The following THADA variants were observed in gnomAD, a reference collection of about 807,000 sequenced individuals.
The protein encoded by THADA is THADA armadillo repeat containing.
THADA carries 213 observed loss-of-function variants against 219.8 expected under a neutral mutation model. The observed-to-expected ratio is 0.97, with a 90% CI of 0.87 to 1.09. The LOEUF (loss-of-function observed/expected upper bound fraction) is 1.09. Among genes scored for constraint, THADA ranks in the 50% least tolerant of loss-of-function variants. THADA has a pLI of 0.00. For missense variants in THADA, 2,956 were observed against 2,311.3 expected (o/e 1.28, Z -5.72); for synonymous variants, 1,018 against 828.9 (o/e 1.23, Z -3.92).
At chr2:43,315,764 G>T (rs1678007496) in intron 31 of THADA, among the ~76,000 whole-genome samples, 1 of 152,222 alleles carries the variant, frequency 6.6e-6, no homozygotes, top group Non-Finnish European at 1.5e-5. Flanking sequence ...ACTGCATCCA[G>T]CCAGTTACAT....
intron 28 of THADA, among the ~76,000 whole-genome samples, chr2:43,409,384 A>T (rs1460524628): frequency 6.6e-6 from 1 of 152,180 alleles, no homozygotes; most frequent in East Asian, 1.9e-4. Context: ...AAAATGACAC[A>T]AAAGAGCAAC....
At chr2:43,295,479 C>T (rs980218476) in intron 31 of THADA, among the ~76,000 whole-genome samples, 5 of 152,348 alleles carry the variant, frequency 3.3e-5, no homozygotes, top group South Asian at 2.1e-4. Context: ...TTATGACAGA[C>T]TTCACCAAAT....
At chr2:43,297,388 A>C (rs1275969755) in intron 31 of THADA, among the ~76,000 whole-genome samples, 1 of 89,990 alleles carries the variant, frequency 1.1e-5, no homozygotes. Context: ...CCCGGCAGCC[A>C]CCCCATCTGG....
chr2:43,421,680 A>C (rs190033986), intron 28 of THADA, among the ~76,000 whole-genome samples: 1 of 152,382 alleles, frequency 6.6e-6, no homozygotes, highest in Admixed American at 6.5e-5. Context: ...ATGGAGAAAA[A>C]TACAGGAACC....
intron 28 of THADA, among the ~76,000 whole-genome samples, chr2:43,427,537 A>G (rs867101507): frequency 1.9e-4 from 12 of 63,878 alleles, no homozygotes; most frequent in Admixed American, 7.2e-4. Flanking sequence ...GTGTGTGTGT[A>G]TACAAGTTAT....
At chr2:43,316,651 G>C (rs1183923076) in intron 31 of THADA, among the ~76,000 whole-genome samples, 3 of 152,200 alleles carry the variant, frequency 2.0e-5, no homozygotes, top group African/African-American at 7.2e-5. Flanking sequence ...TAATAGGCTG[G>C]GCACGGTGGC....
chr2:43,438,236 A>G (rs1474002681), intron 26 of THADA, among the ~76,000 whole-genome samples: 1 of 140,256 alleles, frequency 7.1e-6, no homozygotes, highest in Non-Finnish European at 1.5e-5. Flanking sequence ...CAGGAGGCGG[A>G]GCTTGCAGTG....
intron 22 of THADA, among the ~76,000 whole-genome samples, chr2:43,510,890 G>C (rs1440648294): frequency 2.0e-5 from 3 of 151,426 alleles, no homozygotes; most frequent in Non-Finnish European, 4.4e-5. Context: ...AGAATCGCTT[G>C]AACTCAGGAA....
chr2:43,298,655 C>G (rs1675882101), intron 31 of THADA, among the ~76,000 whole-genome samples: 1 of 151,880 alleles, frequency 6.6e-6, no homozygotes, highest in East Asian at 1.9e-4. Context: ...CTGGGCTGTT[C>G]TGGATATAGT....
At chr2:43,557,334 A>T (rs1697495227) in intron 16 of THADA, among the ~76,000 whole-genome samples, 1 of 152,216 alleles carries the variant, frequency 6.6e-6, no homozygotes, top group South Asian at 2.1e-4. Flanking sequence ...CTACAGCCAG[A>T]CTATCTTTAC....
intron 36 of THADA, chr2:43,233,123 G>A: frequency 2.0e-6 from 1 of 496,800 alleles, no homozygotes; most frequent in Non-Finnish European, 3.7e-6. Flanking sequence ...ACTCAGTGTG[G>A]ACAGAAGCAG....
chr2:43,485,352 G>T lies in THADA; in HGVS notation c.3745-27C>A, dbSNP rs369420331. On this transcript the variant is annotated intron_variant, in intron 25 of 37. Transcript: ENST00000405975. ...TAATGTACAAACGAAAACACAATAA[G>T]GCTTAAATATTCTTGGCATGAAACC... The T allele has an allele frequency of 8.8e-4, 1,337 of 1,527,538 alleles. 26 individuals carry two copies. In the South Asian group the frequency reaches 0.013, roughly 15 times the overall value. The allele number at this position is 1,527,538 out of a possible 1,614,324, so 94.6% of individuals were successfully genotyped here. A position where few individuals can be genotyped will look rare whatever the true frequency, so the allele number is the denominator to read the frequency against.
Position 43,571,848 on chromosome 2 carries a change from T to C in THADA, c.1923A>G (p.Thr641=). ...GATTACTTTCACAAAGCAAGCCTAA[T>C]GTATCTATCCTTACCTAAAAAACAT... ...IHQHCQVRID[T]LGLLCESNRS... Residue 641 remains threonine, a synonymous_variant, in exon 13 of 38, where the codon ACA becomes ACG. Coordinates refer to ENST00000405975, the MANE Select transcript of THADA (RefSeq NM_022065.5). The C allele has an allele frequency of 1.2e-6, 2 of 1,613,846 alleles. No individual in the cohort carries two copies. Among genetic ancestry groups the C allele is most frequent in the Non-Finnish European group, 8.5e-7 (1 of 1,179,840 alleles).
At chr2:43,553,589 A>G (rs984450719) in intron 17 of THADA, among the ~76,000 whole-genome samples, 6 of 152,248 alleles carry the variant, frequency 3.9e-5, no homozygotes, top group African/African-American at 1.4e-4. Context: ...TAAGCCACTT[A>G]GTCTATGGCA....
chr2:43,575,639 C>T (rs908336315), intron 10 of THADA, among the ~76,000 whole-genome samples: 6 of 152,076 alleles, frequency 3.9e-5, no homozygotes, highest in East Asian at 1.9e-4. Flanking sequence ...CAGGTTCAAG[C>T]GATTCTCCTG....
chr2:43,502,309 G>T (rs1256971623), intron 24 of THADA, among the ~76,000 whole-genome samples: 1 of 152,160 alleles, frequency 6.6e-6, no homozygotes, highest in East Asian at 1.9e-4. Flanking sequence ...TCTCAGTCAG[G>T]TGTGGTGGCT....
At chr2:43,525,480 T>C (rs1281394336) in intron 22 of THADA, among the ~76,000 whole-genome samples, 1 of 152,176 alleles carries the variant, frequency 6.6e-6, no homozygotes, top group Non-Finnish European at 1.5e-5. Context: ...GCTGATTCTC[T>C]TGGAATACTC....
chr2:43,417,598 A>T (rs1309240435), intron 28 of THADA, among the ~76,000 whole-genome samples: 2 of 152,214 alleles, frequency 1.3e-5, no homozygotes, highest in Non-Finnish European at 2.9e-5. Context: ...TATCTCAAGA[A>T]AGCAAAGTAA....
At chr2:43,279,188 T>C (rs918933708) in intron 36 of THADA, among the ~76,000 whole-genome samples, 32 of 152,202 alleles carry the variant, frequency 2.1e-4, no homozygotes, top group African/African-American at 7.7e-4. Flanking sequence ...TGTAACCGCT[T>C]ATACGACGGC....
Sources: gnomAD v4.1 joint callset for allele counts (sites outside exome capture counted in the v4.1 genomes callset) on GRCh38, gnomAD v4.1.1 for gene constraint, MANE v1.5 for transcripts, NCBI Gene and HGNC (gene_info 2026-07-23, HGNC 2026-07-21) for gene names.